The following ABCC2 variants were observed in gnomAD, a reference collection of about 807,000 sequenced individuals.
ABCC2 encodes the protein ATP binding cassette subfamily C member 2.
Under a neutral mutation model 173.4 loss-of-function variants are expected in ABCC2, and 157 were observed. The observed-to-expected ratio is 0.91, with a 90% CI of 0.80 to 1.03. The LOEUF (loss-of-function observed/expected upper bound fraction) is 1.03. ABCC2 is among the 50% of genes least tolerant of loss of function. ABCC2 has a pLI of 0.00. For missense variants in ABCC2, 1,822 were observed against 1,852.3 expected, an observed-to-expected ratio of 0.98 and a Z score of 0.30; for synonymous variants, 657 against 693.5, an observed-to-expected ratio of 0.95 and a Z score of 0.83.
intron 7 of ABCC2, among the ~76,000 whole-genome samples, chr10:99,798,476 A>G (rs1490211841): frequency 6.6e-6 from 1 of 152,192 alleles, no homozygotes; most frequent in Non-Finnish European, 1.5e-5. Flanking sequence ...ACAGAAATGT[A>G]CTGTCCCCAG....
intron 28 of ABCC2, 63 bp downstream of exon 28, chr10:99,844,528 T>C: frequency 1.3e-6 from 2 of 1,595,984 alleles, no homozygotes; most frequent in South Asian, 2.2e-5. Flanking sequence ...TTGGACAGAG[T>C]GGAGAGCAGC....
At chr10:99,812,891 G>A in intron 15 of ABCC2, 127 bp from the exon 16 acceptor site, 2 of 1,271,392 alleles carry the variant, frequency 1.6e-6, no homozygotes, top group South Asian at 2.4e-5. Context: ...TATATCCAAG[G>A]CAAATTTTCC....
rs545334961 is a variant in ABCC2 at position 99,827,498 on chromosome 10, G to A, written c.2621-2809G>A. 1.8e-3 allele frequency among the ~76,000 whole-genome samples: 280 copies of A among 152,046 alleles called. 1 individual carries two copies. Among genetic ancestry groups the A allele is most frequent in the Middle Eastern group, 0.01 (3 of 294 alleles). On this transcript the variant is annotated intron_variant, in intron 19 of 31. Coordinates refer to ENST00000647814, the MANE Select transcript of ABCC2 (RefSeq NM_000392.5). ...AATCTACTATACAGCTTCTAGGGGC[G>A]TCAGGAACTGAAACGCTATCTTCTT... is the stretch of plus-strand genomic sequence containing the variant.
intron 8 of ABCC2, 29 bp from the exon 9 acceptor site, chr10:99,800,357 G>T (rs1414582481): frequency 6.2e-7 from 1 of 1,613,750 alleles, no homozygotes; most frequent in African/African-American, 1.3e-5. Flanking sequence ...GGCCTTATGG[G>T]TATAACTAAC....
In ABCC2 at chr10:99,832,037, T is replaced by C. The variant is rs1370924906; in HGVS notation, c.3164T>C (p.Ile1055Thr). ...TTTGGTTTCGTCCATGCATCAAATA[T>C]CTTGCACAAGCAACTGCTGAACAAT... ...SAFGFVHASN[I>T]LHKQLLNNIL... Residue 1055 changes from isoleucine to threonine, a missense_variant, in exon 23 of 32, where the codon ATC becomes ACC. Transcript: ENST00000647814. 2 of 1,614,252 alleles carry C rather than the reference T, an allele frequency of 1.2e-6. No homozygotes were observed. The highest frequency in any genetic ancestry group is 2.2e-5 in the East Asian group (1 of 44,894).
chr10:99,796,460 C>T (rs1400683073), intron 6 of ABCC2, among the ~76,000 whole-genome samples: 1 of 152,008 alleles, frequency 6.6e-6, no homozygotes, highest in Admixed American at 6.6e-5. Context: ...GCCGAGGTCG[C>T]GCCACTGCAC....
At chr10:99,797,736 T>C (rs1175054030) in intron 7 of ABCC2, 1 of 264,590 alleles carries the variant, frequency 3.8e-6, no homozygotes, top group Non-Finnish European at 7.4e-6. Flanking sequence ...CTAGAAAATA[T>C]GTAGTAAGCC....
At position 99,784,595 on chromosome 10, in the gene ABCC2, C is replaced by G. The variant is rs1187373253; in HGVS notation, c.34-13C>G. 1 of 1,613,668 alleles carries G rather than the reference C, an allele frequency of 6.2e-7. No homozygotes were observed. Among genetic ancestry groups the G allele is most frequent in the Admixed American group, 1.7e-5 (1 of 60,028 alleles). ...ATGCATGTATGCAACAATCCTTCCC[C>G]TTTGGTCTCCAGAATTCCTCATTCC... is the stretch of plus-strand genomic sequence containing the variant. On this transcript the variant is annotated splice_polypyrimidine_tract_variant and intron_variant, in intron 1 of 31. Transcript: ENST00000647814.
intron 11 of ABCC2, among the ~76,000 whole-genome samples, chr10:99,806,473 T>A (rs1455238644): frequency 2.0e-5 from 3 of 152,194 alleles, no homozygotes; most frequent in African/African-American, 7.2e-5. Flanking sequence ...CCCAGACATG[T>A]GTATTTTTTT....
Position 99,782,732 on chromosome 10 carries a change from AC to A in ABCC2, c.-112del. ...GATGAAAGGTCATCCTTTACGGAGAACATCAGAATGGTAGATAATTCCTGTT... is the reference window on the plus strand; with the variant it reads ...GATGAAAGGTCATCCTTTACGGAGAAATCAGAATGGTAGATAATTCCTGTT... On this transcript the variant is annotated 5_prime_UTR_variant, in exon 1 of 32. It removes the in-frame stop codon of an upstream open reading frame in the 5' UTR. Coordinates refer to ENST00000647814, the MANE Select transcript of ABCC2 (RefSeq NM_000392.5). 3.3e-6 allele frequency: 4 copies of A among 1,228,594 alleles called. No homozygotes were observed. Among genetic ancestry groups the A allele is most frequent in the Non-Finnish European group, 3.6e-6 (3 of 837,820 alleles). The allele number at this position is 1,228,594 out of a possible 1,614,324, so 76.1% of individuals were successfully genotyped here. A position where few individuals can be genotyped will look rare whatever the true frequency, so the allele number is the denominator to read the frequency against.
Position 99,841,942 on chromosome 10 carries a change from ACT to A in ABCC2, c.3615-20_3615-19del, listed in dbSNP as rs555013331. 106 of 1,613,896 alleles carry A rather than the reference ACT, an allele frequency of 6.6e-5. No individual in the cohort carries two copies. In the East Asian group the frequency reaches 2.0e-3, roughly 30 times the overall value. On this transcript the variant is annotated intron_variant, in intron 25 of 31. Coordinates refer to ENST00000647814, the MANE Select transcript of ABCC2 (RefSeq NM_000392.5). ...GATGAGGACGTGATCAGTGACACGC[ACT>A]CTCTGGTTCTGTTGCCCCACAGGTG... is the stretch of plus-strand genomic sequence containing the variant.
rs1055472475 is a variant in ABCC2 at position 99,797,326 on chromosome 10, G to T, written c.862G>T (p.Val288Phe). Residue 288 changes from valine to phenylalanine, a missense_variant, in exon 7 of 32, where the codon GTC becomes TTC. Physicochemically the swap from Val to Phe is conservative, Grantham distance 50. Coordinates refer to ENST00000647814, the MANE Select transcript of ABCC2 (RefSeq NM_000392.5). ...KNQSQSQDAL[V>F]LEDVEKKKKK... is the part of the protein sequence containing the mutation. Reference sequence around the variant, plus strand: ...TCAGAGTCAAAGCCAAGATGCCCTTGTCCTGGTAACTTTCCCTTGAGTGTC... The same window carrying T: ...TCAGAGTCAAAGCCAAGATGCCCTTTTCCTGGTAACTTTCCCTTGAGTGTC... 6.2e-7 allele frequency: 1 copy of T among 1,611,432 alleles called. No individual in the cohort carries two copies. Among genetic ancestry groups the T allele is most frequent in the East Asian group, 2.2e-5 (1 of 44,732 alleles).
At chr10:99,810,358 C>A in intron 14 of ABCC2, 140 bp downstream of exon 14, 1 of 719,520 alleles carries the variant, frequency 1.4e-6, no homozygotes, top group South Asian at 1.5e-5. Context: ...AAGATACAAA[C>A]TGTTCTTACT....
chr10:99,810,268 C>A, intron 14 of ABCC2, 50 bp downstream of exon 14: 1 of 1,481,062 alleles, frequency 6.8e-7, no homozygotes, highest in South Asian at 1.1e-5. Flanking sequence ...GTACTGGTGC[C>A]AGAATTTTGA....
chr10:99,839,168 G>C (rs1329857703), intron 25 of ABCC2, among the ~76,000 whole-genome samples: 6 of 125,114 alleles, frequency 4.8e-5, no homozygotes, highest in East Asian at 5.0e-4. Context: ...CCCGGACGGG[G>C]CGGCTGGCCG....
intron 26 of ABCC2, among the ~76,000 whole-genome samples, chr10:99,843,279 C>T (rs947577323): frequency 6.6e-6 from 1 of 152,222 alleles, no homozygotes; most frequent in African/African-American, 2.4e-5. Flanking sequence ...CTTCAATCTA[C>T]ACAAAGTGGA....
chr10:99,811,024 CA>C (rs373993067), intron 14 of ABCC2, among the ~76,000 whole-genome samples: 99 of 141,398 alleles, frequency 7.0e-4, no homozygotes, highest in African/African-American at 2.1e-3. Context: ...AACTCCATCT[CA>C]AAAAAAAAAA....
intron 11 of ABCC2, among the ~76,000 whole-genome samples, chr10:99,806,071 C>G (rs377034721): frequency 1.9e-5 from 1 of 52,892 alleles, no homozygotes; most frequent in Non-Finnish European, 3.5e-5. Context: ...GTCTCTCTCT[C>G]TCTGTCTGTG....
chr10:99,850,309 G>A (rs753875805), intron 30 of ABCC2, among the ~76,000 whole-genome samples: 12 of 152,220 alleles, frequency 7.9e-5, no homozygotes, highest in Non-Finnish European at 1.3e-4. Flanking sequence ...ATGGCCTGGG[G>A]TGCTTAGTAA....
Sources: allele counts gnomAD v4.1 joint callset (sites outside exome capture counted in the v4.1 genomes callset), GRCh38; gene constraint gnomAD v4.1.1; transcripts MANE v1.5; gene names NCBI Gene and HGNC (gene_info 2026-07-23, HGNC 2026-07-21).